Variants in TTC6 observed in about 807,000 individuals in gnomAD.
TTC6 encodes the protein tetratricopeptide repeat domain 6, also known as tetratricopeptide repeat protein 6.
A neutral mutation model predicts 210.4 loss-of-function variants in TTC6; 172 were observed. That is an observed-to-expected ratio of 0.82 (90% CI 0.72 to 0.93). TTC6 has a LOEUF of 0.93. TTC6 is among the 40% of genes least tolerant of loss of function. TTC6 has a pLI of 0.00. For synonymous variants in TTC6, 804 were observed against 819.6 expected, an observed-to-expected ratio of 0.98 and a Z score of 0.32; for missense variants, 2,414 against 2,318.1, an observed-to-expected ratio of 1.04 and a Z score of -0.85.
At chr14:37,641,756 C>G (rs750955627) in intron 1 of TTC6, among the ~76,000 whole-genome samples, 11 of 152,058 alleles carry the variant, frequency 7.2e-5, no homozygotes, top group Non-Finnish European at 1.6e-4. Context: ...AAAAAACTTT[C>G]ATAGTCCTGG....
At chr14:37,673,538 A>G (rs2095762589) in intron 1 of TTC6, among the ~76,000 whole-genome samples, 1 of 152,136 alleles carries the variant, frequency 6.6e-6, no homozygotes, top group African/African-American at 2.4e-5. Flanking sequence ...GATGAAGAGT[A>G]GAGGGCAGCT....
intron 25 of TTC6, among the ~76,000 whole-genome samples, chr14:37,816,548 T>C (rs2096142363): frequency 6.6e-6 from 1 of 152,112 alleles, no homozygotes; most frequent in Non-Finnish European, 1.5e-5. Flanking sequence ...TCAAGTGACA[T>C]CACAACAAAT....
chr14:37,599,453 A>T (rs2095611038), intron 1 of TTC6, among the ~76,000 whole-genome samples: 1 of 152,172 alleles, frequency 6.6e-6, no homozygotes, highest in Admixed American at 6.5e-5. Flanking sequence ...TGTAAAAGCA[A>T]CGCATAAACA....
At position 37,753,584 on chromosome 14, in the gene TTC6, A is replaced by G. The variant is rs544468551; in HGVS notation, c.3266+349A>G. Among the ~76,000 whole-genome samples, 8 of 152,256 alleles carry G rather than the reference A, an allele frequency of 5.3e-5. No individual in the cohort carries two copies. The East Asian group carries it at 1.2e-3, about 22-fold the overall frequency. Reference sequence around the variant, plus strand: ...GCAGTTATCTTTTGTTTACTTATTTATAGAGATGGAGTCTCACACTATCAC... The same window carrying G: ...GCAGTTATCTTTTGTTTACTTATTTGTAGAGATGGAGTCTCACACTATCAC... On this transcript the variant is annotated intron_variant, in intron 14 of 30. Coordinates refer to ENST00000553443, the Ensembl canonical transcript of TTC6.
chr14:37,729,079 A>C (rs191542509), intron 7 of TTC6, among the ~76,000 whole-genome samples: 1 of 152,264 alleles, frequency 6.6e-6, no homozygotes, highest in Admixed American at 6.5e-5. Flanking sequence ...AAAATACTTG[A>C]ATATATATAT....
chr14:37,841,376 T>G, intron 29 of TTC6, 69 bp from the exon 32 acceptor site: 1 of 1,359,236 alleles, frequency 7.4e-7, no homozygotes, highest in Admixed American at 2.5e-5. Context: ...AAATTAAGAG[T>G]AAAAGTGCTT....
In TTC6 at chr14:37,824,279, A is replaced by C. The variant is rs111638969; in HGVS notation, c.4974+322A>C. Among the ~76,000 whole-genome samples the C allele has an allele frequency of 4.7e-3, 710 of 152,298 alleles. 4 individuals carry two copies. The highest frequency in any genetic ancestry group is 0.017 in the Middle Eastern group (5 of 294). On this transcript the variant is annotated intron_variant, in intron 27 of 30. Coordinates refer to ENST00000553443, the Ensembl canonical transcript of TTC6. ...AAAATTTGCCTGATGAAGTTCATCT[A>C]TAAGAACCTGGGTAACATTTATTTT...
At chr14:37,737,054 G>T (rs2095903591) in intron 8 of TTC6, among the ~76,000 whole-genome samples, 1 of 152,060 alleles carries the variant, frequency 6.6e-6, no homozygotes. Flanking sequence ...CACTGGATCT[G>T]GTCTAGATGT....
intron 5 of TTC6, among the ~76,000 whole-genome samples, chr14:37,707,221 C>T (rs781550291): frequency 1.3e-5 from 2 of 151,890 alleles, no homozygotes; most frequent in African/African-American, 4.8e-5. Context: ...ATTTCCCTAG[C>T]GTATGTTTGA....
chr14:37,673,696 A>G (rs923587605), intron 1 of TTC6, among the ~76,000 whole-genome samples: 1 of 152,122 alleles, frequency 6.6e-6, no homozygotes, highest in Admixed American at 6.5e-5. Flanking sequence ...TGAATACTAA[A>G]CAGCACCCTT....
chr14:37,608,286 TTGTGTG>T, intron 2 of TTC6, among the ~76,000 whole-genome samples: 2 of 151,204 alleles, frequency 1.3e-5, no homozygotes, highest in East Asian at 3.9e-4. Context: ...CAAGTTTTTT[TTGTGTG>T]TGTGTGTGTG....
chr14:37,653,020 T>C (rs1566865904), intron 1 of TTC6, among the ~76,000 whole-genome samples: 1 of 152,256 alleles, frequency 6.6e-6, no homozygotes, highest in South Asian at 2.1e-4. Flanking sequence ...CTAAACTCTT[T>C]ATACACATTT....
chr14:37,741,030 A>C (rs1472439352), intron 10 of TTC6, among the ~76,000 whole-genome samples: 2 of 152,126 alleles, frequency 1.3e-5, no homozygotes, highest in Non-Finnish European at 1.5e-5. Flanking sequence ...CCTTCTAATA[A>C]CTGACTCTGA....
At chr14:37,841,422 A>C in intron 29 of TTC6, 23 bp from the exon 32 acceptor site, 1 of 1,558,482 alleles carries the variant, frequency 6.4e-7, no homozygotes, top group Non-Finnish European at 8.7e-7. Flanking sequence ...ATTAAAATAT[A>C]TCATTATCTT....
At chr14:37,734,325 C>G (rs575922177) in intron 7 of TTC6, among the ~76,000 whole-genome samples, 1 of 152,200 alleles carries the variant, frequency 6.6e-6, no homozygotes, top group African/African-American at 2.4e-5. Flanking sequence ...TCAGGCTCCA[C>G]ATCTCAGATA....
At chr14:37,674,781 A>T (rs1215648874) in intron 1 of TTC6, among the ~76,000 whole-genome samples, 1 of 152,144 alleles carries the variant, frequency 6.6e-6, no homozygotes, top group African/African-American at 2.4e-5. Flanking sequence ...TGTTACCTCT[A>T]CATCGATTTG....
At chr14:37,764,482 A>G (rs142552678) in intron 14 of TTC6, among the ~76,000 whole-genome samples, 24 of 152,252 alleles carry the variant, frequency 1.6e-4, no homozygotes, top group Admixed American at 5.2e-4. Flanking sequence ...TAATGGTCAT[A>G]TCTTACTGAT....
At position 37,737,752 on chromosome 14, in the gene TTC6, T is replaced by A; in HGVS notation, c.1983+18T>A. 7.3e-7 allele frequency: 1 copy of A among 1,374,590 alleles called. No homozygotes were observed. Among genetic ancestry groups the A allele is most frequent in the Non-Finnish European group, 9.7e-7 (1 of 1,026,192 alleles). 85.1% of individuals were successfully genotyped at this position (1,374,590 alleles called of 1,614,324 possible). A position where few individuals can be genotyped will look rare whatever the true frequency, so the allele number is the denominator to read the frequency against. On this transcript the variant is annotated intron_variant, in intron 9 of 30. Transcript: ENST00000553443. ...AACTAAGGGTATTATAATTTTACAG[T>A]TTTTACTCTCTAAAAGAAACATTTA...
intron 1 of TTC6, among the ~76,000 whole-genome samples, chr14:37,668,114 G>T (rs1158901309): frequency 6.7e-6 from 1 of 149,722 alleles, no homozygotes; most frequent in Non-Finnish European, 1.5e-5. Context: ...CAGCCTGGGC[G>T]ACAGTGTGAG....
Sources: allele counts gnomAD v4.1 joint callset (sites outside exome capture counted in the v4.1 genomes callset), GRCh38; gene constraint gnomAD v4.1.1; transcripts MANE v1.5; gene names NCBI Gene and HGNC (gene_info 2026-07-23, HGNC 2026-07-21).